The following MTUS2 variants were observed in gnomAD, a reference collection of about 807,000 sequenced individuals.
MTUS2 encodes microtubule associated scaffold protein 2.
A neutral mutation model predicts 114.1 loss-of-function variants in MTUS2; 40 were observed. The observed-to-expected ratio is 0.35, with a 90% CI of 0.27 to 0.46. The LOEUF is 0.46. Ranked by LOEUF, MTUS2 falls within the 20% of genes least tolerant of loss-of-function variation. The pLI, the probability that MTUS2 is intolerant of heterozygous loss-of-function variation, is 1.00. For synonymous variants in MTUS2, 688 were observed against 672.0 expected (o/e 1.02, Z -0.37); for missense variants, 1,679 against 1,705.4 (o/e 0.98, Z 0.27).
chr13:29,357,130 A>C (rs1869809086), intron 7 of MTUS2, among the ~76,000 whole-genome samples: 1 of 152,154 alleles, frequency 6.6e-6, no homozygotes, highest in South Asian at 2.1e-4. Flanking sequence ...ATTTCACTGA[A>C]TCCTTTTATA....
chr13:28,900,471 T>A lies in MTUS2; in HGVS notation c.-243+60621T>A, dbSNP rs140947489. 3.0e-4 allele frequency among the ~76,000 whole-genome samples: 45 copies of A among 152,328 alleles called. No homozygotes were observed. In the East Asian group the frequency reaches 8.3e-3, roughly 28 times the overall value. Reference sequence around the variant, plus strand: ...CTCTCTGCCATCATCCTTAATCCCTTGCAACTGCTGATCTGTTCTCCATTT... The same window carrying A: ...CTCTCTGCCATCATCCTTAATCCCTAGCAACTGCTGATCTGTTCTCCATTT... On this transcript the variant is annotated intron_variant, in intron 2 of 15. Coordinates refer to ENST00000612955, the MANE Select transcript of MTUS2 (RefSeq NM_001033602.4).
chr13:29,287,617 T>A (rs114345179), intron 6 of MTUS2, among the ~76,000 whole-genome samples: 38 of 152,354 alleles, frequency 2.5e-4, no homozygotes, highest in African/African-American at 8.9e-4. Context: ...CTTCTTATGA[T>A]GAGCTATCCC....
intron 2 of MTUS2, among the ~76,000 whole-genome samples, chr13:28,979,351 AC>A (rs1453025631): frequency 6.6e-6 from 1 of 152,190 alleles, no homozygotes; most frequent in East Asian, 1.9e-4. Context: ...ATTGTTATAA[AC>A]AAAAATTATT....
chr13:29,184,498 T>G (rs1250658706), intron 5 of MTUS2, among the ~76,000 whole-genome samples: 1 of 152,160 alleles, frequency 6.6e-6, no homozygotes, highest in South Asian at 2.1e-4. Flanking sequence ...CTATCCAAAC[T>G]TGAAGCATTG....
intron 1 of MTUS2, among the ~76,000 whole-genome samples, chr13:28,836,110 C>T (rs532718307): frequency 6.6e-6 from 1 of 152,026 alleles, no homozygotes; most frequent in African/African-American, 2.4e-5. Flanking sequence ...TTTCTAGTAC[C>T]TGCATTTAAA....
At chr13:29,164,257 G>A (rs772587582) in intron 5 of MTUS2, among the ~76,000 whole-genome samples, 3 of 152,178 alleles carry the variant, frequency 2.0e-5, no homozygotes, top group Non-Finnish European at 2.9e-5. Flanking sequence ...CTCCCTTCTC[G>A]CTCTGCCTTT....
chr13:29,034,179 A>G (rs990579595), intron 4 of MTUS2, 54 bp downstream of exon 4: 77 of 1,606,478 alleles, frequency 4.8e-5, no homozygotes, highest in Non-Finnish European at 6.1e-5. Flanking sequence ...GATAGTCATC[A>G]TGTAAGATGG....
intron 9 of MTUS2, among the ~76,000 whole-genome samples, chr13:29,470,330 C>T (rs1440832429): frequency 6.6e-6 from 1 of 152,226 alleles, no homozygotes; most frequent in Non-Finnish European, 1.5e-5. Flanking sequence ...CTGACAACCT[C>T]TAACATCCAG....
rs1445041502 is a variant in MTUS2 at position 29,025,785 on chromosome 13, C to T, written c.1087C>T (p.Leu363=). The change falls in exon 3 of 16, where the codon CTG becomes TTG. Residue 363 remains leucine, a synonymous_variant. Coordinates refer to ENST00000612955, the MANE Select transcript of MTUS2 (RefSeq NM_001033602.4). The stretch of plus-strand genomic sequence containing the variant: ...GGAAGCCACCGATGCACTTGGCCAT[C>T]TGCTGAACAGTGACCTCCACCACCT... ...HPEATDALGH[L]LNSDLHHLGV... The T allele has an allele frequency of 6.2e-7, 1 of 1,614,034 alleles. No individual in the cohort carries two copies. The highest frequency in any genetic ancestry group is 8.5e-7 in the Non-Finnish European group (1 of 1,179,904).
chr13:29,320,054 T>C (rs1900189681), intron 6 of MTUS2, among the ~76,000 whole-genome samples: 1 of 152,174 alleles, frequency 6.6e-6, no homozygotes, highest in Non-Finnish European at 1.5e-5. Context: ...CAATGTTACC[T>C]TATAGGGCAA....
At position 29,150,718 on chromosome 13, in the gene MTUS2, A is replaced by G. The variant is rs889520489; in HGVS notation, c.2644+49748A>G. Reference sequence around the variant, plus strand: ...CCATCTTAAGTTAATGTTTTTATATACTGATATGTAGTGGTCCAATTTCAT... The same window carrying G: ...CCATCTTAAGTTAATGTTTTTATATGCTGATATGTAGTGGTCCAATTTCAT... On this transcript the variant is annotated intron_variant, in intron 5 of 15. Coordinates refer to ENST00000612955, the MANE Select transcript of MTUS2 (RefSeq NM_001033602.4). 2.6e-4 allele frequency among the ~76,000 whole-genome samples: 40 copies of G among 152,098 alleles called. 1 individual carries two copies. Among genetic ancestry groups the G allele is most frequent in the African/African-American group, 7.5e-4 (31 of 41,428 alleles).
At chr13:29,161,292 T>C (rs1055151293) in intron 5 of MTUS2, among the ~76,000 whole-genome samples, 1 of 152,198 alleles carries the variant, frequency 6.6e-6, no homozygotes, top group African/African-American at 2.4e-5. Context: ...TGGGGGGAAC[T>C]GAGTGTAGGG....
chr13:29,322,816 C>T (rs1900309698), intron 6 of MTUS2, among the ~76,000 whole-genome samples: 1 of 152,106 alleles, frequency 6.6e-6, no homozygotes, highest in Non-Finnish European at 1.5e-5. Context: ...ACAAGGCTGG[C>T]ATTGTGGCTG....
At chr13:28,996,912 TG>T (rs1314621263) in intron 2 of MTUS2, among the ~76,000 whole-genome samples, 6 of 152,234 alleles carry the variant, frequency 3.9e-5, no homozygotes, top group Non-Finnish European at 8.8e-5. Flanking sequence ...AGTTCTGCTC[TG>T]ATCTTAGTTA....
intron 5 of MTUS2, among the ~76,000 whole-genome samples, chr13:29,238,806 G>A (rs552316725): frequency 8.5e-5 from 13 of 152,228 alleles, no homozygotes; most frequent in South Asian, 6.2e-4. Context: ...TAACCATCAC[G>A]GTGGATGAAC....
chr13:29,156,571 G>C (rs1312745225), intron 5 of MTUS2, among the ~76,000 whole-genome samples: 2 of 152,086 alleles, frequency 1.3e-5, no homozygotes, highest in African/African-American at 4.8e-5. Context: ...CCTACTTGCT[G>C]TGTGATCTTC....
At chr13:29,453,580 G>A (rs949392519) in intron 9 of MTUS2, among the ~76,000 whole-genome samples, 3 of 151,556 alleles carry the variant, frequency 2.0e-5, no homozygotes, top group African/African-American at 7.3e-5. Context: ...ACCCAGTCAG[G>A]GGTTCAGAAA....
chr13:28,975,715 A>G (rs1884063117), intron 2 of MTUS2, among the ~76,000 whole-genome samples: 1 of 152,176 alleles, frequency 6.6e-6, no homozygotes, highest in African/African-American at 2.4e-5. Context: ...TGAGGACAAT[A>G]TTATTTTTAT....
chr13:29,209,279 C>A (rs1895321758), intron 5 of MTUS2, among the ~76,000 whole-genome samples: 1 of 152,056 alleles, frequency 6.6e-6, no homozygotes, highest in South Asian at 2.1e-4. Flanking sequence ...CATGGAATAT[C>A]TTTTTCCACC....
Sources: gnomAD v4.1 joint callset for allele counts (sites outside exome capture counted in the v4.1 genomes callset) on GRCh38, gnomAD v4.1.1 for gene constraint, MANE v1.5 for transcripts, NCBI Gene and HGNC (gene_info 2026-07-23, HGNC 2026-07-21) for gene names.